Variants in INTS6 observed in about 807,000 individuals in gnomAD.
INTS6 encodes the protein DEAD box protein.
In INTS6, 16 loss-of-function variants were observed where a neutral mutation model predicts 104.9. The observed-to-expected ratio is 0.15, with a 90% CI of 0.10 to 0.23. The LOEUF (loss-of-function observed/expected upper bound fraction) is 0.23, where lower values mean the gene tolerates loss of function less well. INTS6 is among the 10% of genes least tolerant of loss of function. INTS6 has a pLI of 1.00. For missense variants in INTS6, 584 were observed against 1,062.8 expected, an observed-to-expected ratio of 0.55 and a Z score of 6.26; for synonymous variants, 324 against 358.7, an observed-to-expected ratio of 0.90 and a Z score of 1.09.
chr13:51,440,371 A>G (rs1018643365), intron 3 of INTS6: 1 of 152,120 alleles, frequency 6.6e-6, no homozygotes, highest in South Asian at 2.1e-4. Context: ...AAAAGAGTTA[A>G]AAAGTTTTAA....
chr13:51,382,030 C>G lies in INTS6; in HGVS notation c.1274G>C (p.Gly425Ala). The change falls in exon 10 of 18, where the codon GGG becomes GCG. Residue 425 changes from glycine to alanine, a missense_variant and splice_region_variant. Gly to Ala is a moderately conservative substitution (Grantham distance 60). This residue lies in a region of INTS6 where 144 missense variants were observed against 348.7 expected (regional missense o/e 0.41). Transcript: ENST00000311234. ...YLKTMPPYYL[G>A]PLKKAVRMMG... The stretch of plus-strand genomic sequence containing the variant: ...AGTTCTTTTAAATAATATTCTTACC[C>G]CAAGATAGTAGGGAGGCATTGTCTT... The G allele has an allele frequency of 1.9e-6, 3 of 1,600,710 alleles. No homozygotes were observed. Among genetic ancestry groups the G allele is most frequent in the Non-Finnish European group, 2.6e-6 (3 of 1,170,364 alleles).
At chr13:51,443,584 T>C (rs1048545308) in intron 3 of INTS6, 1 of 152,024 alleles carries the variant, frequency 6.6e-6, no homozygotes, top group Non-Finnish European at 1.5e-5. Flanking sequence ...TTAAGCTGAG[T>C]ACAATGGCAA....
rs779673485 is a variant in INTS6, at chr13:51,364,414, A to C, written c.*1338T>G. 2.2e-5 allele frequency: 11 copies of C among 493,276 alleles called. No individual in the cohort carries two copies. Among genetic ancestry groups the C allele is most frequent in the Non-Finnish European group, 3.5e-5 (10 of 284,966 alleles). 30.6% of individuals were successfully genotyped at this position (493,276 alleles called of 1,614,324 possible). Reference sequence around the variant, plus strand: ...GGGTATGTGATTTTCAATATTATAAACCTAAAAATACTTCAGTTTTTAAAT... The same window carrying C: ...GGGTATGTGATTTTCAATATTATAACCCTAAAAATACTTCAGTTTTTAAAT... On this transcript the variant is annotated 3_prime_UTR_variant, in exon 18 of 18. Transcript: ENST00000311234.
In INTS6 at chr13:51,368,926, T is replaced by C. The variant is rs759390865; in HGVS notation, c.2476+13A>G. The C allele has an allele frequency of 2.3e-5, 36 of 1,561,746 alleles. No individual in the cohort carries two copies. The highest frequency in any genetic ancestry group is 3.0e-5 in the Non-Finnish European group (35 of 1,156,688). On this transcript the variant is annotated intron_variant, in intron 16 of 17. Transcript: ENST00000311234. ...AGAAATCAGATCTGAGGTTCGTCTC[T>C]TATTATACATACTTCTTCCTGGCTT... is the stretch of plus-strand genomic sequence containing the variant.
intron 5 of INTS6, among the ~76,000 whole-genome samples, chr13:51,392,620 A>G (rs1223731773): frequency 6.6e-6 from 1 of 152,212 alleles, no homozygotes; most frequent in African/African-American, 2.4e-5. Flanking sequence ...GTCTCTGCTT[A>G]AATGTTACCT....
At chr13:51,353,157 C>A (rs1367856394), downstream of INTS6, among the ~76,000 whole-genome samples, 1 of 152,136 alleles carries the variant, frequency 6.6e-6, no homozygotes, top group Non-Finnish European at 1.5e-5. Context: ...CCATACAAGA[C>A]AATCACTCTA....
At chr13:51,408,981 C>T (rs2138023616) in intron 4 of INTS6, among the ~76,000 whole-genome samples, 1 of 152,190 alleles carries the variant, frequency 6.6e-6, no homozygotes, top group African/African-American at 2.4e-5. Context: ...CTGCATATCC[C>T]TTTCTTCTTC....
intron 4 of INTS6, among the ~76,000 whole-genome samples, chr13:51,403,584 A>AAAAAAAAAAAGG (rs1956484963): frequency 2.4e-5 from 2 of 84,532 alleles, no homozygotes; most frequent in Non-Finnish European, 4.8e-5. Context: ...TCCATTTCAA[A>AAAAAAAAAAAGG]AAAAAAAAAG....
At chr13:51,353,918 A>AG (rs1955438813), downstream of INTS6, among the ~76,000 whole-genome samples, 1 of 152,120 alleles carries the variant, frequency 6.6e-6, no homozygotes, top group South Asian at 2.1e-4. Context: ...GCCCTTTTAA[A>AG]GTATCCTTCA....
intron 5 of INTS6, among the ~76,000 whole-genome samples, chr13:51,390,982 A>G (rs1956236791): frequency 6.6e-6 from 1 of 152,112 alleles, no homozygotes; most frequent in South Asian, 2.1e-4. Context: ...TAGAGTTACA[A>G]TTCAAACCCT....
At chr13:51,369,639 CA>C (rs890598730) in intron 15 of INTS6, among the ~76,000 whole-genome samples, 1 of 152,148 alleles carries the variant, frequency 6.6e-6, no homozygotes, top group African/African-American at 2.4e-5. Context: ...TATCTATGAT[CA>C]AAATTATCAC....
intron 2 of INTS6, chr13:51,451,402 T>C: frequency 3.1e-6 from 1 of 318,090 alleles, no homozygotes; most frequent in Non-Finnish European, 5.7e-6. Context: ...ACTTTATAAC[T>C]TCACTGACAA....
At chr13:51,400,233 C>T (rs758142140) in intron 4 of INTS6, among the ~76,000 whole-genome samples, 15 of 152,158 alleles carry the variant, frequency 9.9e-5, no homozygotes, top group Non-Finnish European at 2.1e-4. Context: ...GTCCCTGGTG[C>T]CAAAAAGGTT....
the INTS6 span, chr13:51,339,762 C>T: frequency 6.6e-6 from 1 of 152,154 alleles, no homozygotes; most frequent in Non-Finnish European, 1.5e-5. Flanking sequence ...GTGGCTCATT[C>T]GAGGTGAGCC....
the INTS6 span, chr13:51,340,964 C>G: frequency 9.5e-7 from 1 of 1,056,434 alleles, no homozygotes; most frequent in African/African-American, 1.6e-5. Context: ...TCTCCCTCAG[C>G]CGTCCCTAGC....
intron 3 of INTS6, chr13:51,449,865 T>G (rs1411882147): frequency 1.0e-6 from 1 of 985,262 alleles, no homozygotes; most frequent in Non-Finnish European, 1.2e-6. Context: ...AAAGTACATA[T>G]TTACCTAACT....
chr13:51,347,108 A>G, the INTS6 span: 4 of 1,611,958 alleles, frequency 2.5e-6, no homozygotes, highest in East Asian at 2.2e-5. Context: ...TGTGAGCACC[A>G]TGTCCTTCCA....
intron 4 of INTS6, among the ~76,000 whole-genome samples, chr13:51,417,842 C>G (rs1444279798): frequency 2.6e-5 from 4 of 152,202 alleles, no homozygotes; most frequent in African/African-American, 9.6e-5. Flanking sequence ...CTGCTAGACT[C>G]TCAATTCTAT....
At chr13:51,390,432 A>G (rs1015594925) in intron 5 of INTS6, among the ~76,000 whole-genome samples, 2 of 151,968 alleles carry the variant, frequency 1.3e-5, no homozygotes, top group African/African-American at 4.8e-5. Flanking sequence ...GCTACTATGA[A>G]ATTTTTTATT....
Sources: gnomAD v4.1 joint callset for allele counts (sites outside exome capture counted in the v4.1 genomes callset) on GRCh38, gnomAD v4.1.1 for gene constraint, gnomAD v4.1.1 regional missense constraint, MANE v1.5 for transcripts, NCBI Gene and HGNC (gene_info 2026-07-23, HGNC 2026-07-21) for gene names.